Variants in GRM8 observed in about 807,000 individuals in gnomAD.
GRM8 encodes the protein glutamate metabotropic receptor 8.
GRM8 carries 47 observed loss-of-function variants against 87.2 expected under a neutral mutation model. That is an observed-to-expected ratio of 0.54 (90% confidence interval 0.43 to 0.69). GRM8 has a LOEUF of 0.69. Ranked by LOEUF, GRM8 falls within the 30% of genes least tolerant of loss-of-function variation. GRM8 has a pLI of 0.00. For synonymous variants in GRM8, 396 were observed against 404.5 expected (o/e 0.98, Z 0.25); for missense variants, 1,019 against 1,139.2 (o/e 0.89, Z 1.52).
At chr7:126,531,344 T>C (rs1238094786) in intron 9 of GRM8, among the ~76,000 whole-genome samples, 1 of 152,248 alleles carries the variant, frequency 6.6e-6, no homozygotes, top group Non-Finnish European at 1.5e-5. Context: ...ACATATTTTA[T>C]AATGTGTCTT....
intron 1 of GRM8, among the ~76,000 whole-genome samples, chr7:127,246,820 C>T (rs953842234): frequency 3.3e-5 from 5 of 152,212 alleles, no homozygotes; most frequent in African/African-American, 9.6e-5. Context: ...GTATCTAACA[C>T]AGTATCTCCA....
chr7:127,111,749 G>T (rs191417402), intron 2 of GRM8, among the ~76,000 whole-genome samples: 1 of 152,292 alleles, frequency 6.6e-6, no homozygotes, highest in East Asian at 1.9e-4. Flanking sequence ...CTTAAAGGCT[G>T]GGTGCGGTGT....
chr7:126,595,426 T>C (rs202223356), intron 8 of GRM8, among the ~76,000 whole-genome samples: 9 of 60,536 alleles, frequency 1.5e-4, no homozygotes, highest in African/African-American at 3.9e-4. Context: ...TTATTTTATT[T>C]TATTATTTTA....
chr7:126,464,236 T>G (rs1804234017), intron 9 of GRM8, among the ~76,000 whole-genome samples: 1 of 151,716 alleles, frequency 6.6e-6, no homozygotes, highest in African/African-American at 2.4e-5. Context: ...GTTTTTGTCT[T>G]GAAATCTATT....
At chr7:126,694,264 AATT>A (rs1238211571) in intron 7 of GRM8, among the ~76,000 whole-genome samples, 9 of 152,132 alleles carry the variant, frequency 5.9e-5, no homozygotes, top group Admixed American at 5.2e-4. Context: ...CTTGCTTTTT[AATT>A]ATTATTGTTA....
intron 7 of GRM8, among the ~76,000 whole-genome samples, chr7:126,752,021 C>T (rs1366498509): frequency 1.3e-5 from 2 of 151,752 alleles, no homozygotes; most frequent in Non-Finnish European, 2.9e-5. Context: ...AGAGTTAAAC[C>T]TCAAATCTAA....
chr7:127,173,837 G>A (rs1795900623), intron 2 of GRM8, among the ~76,000 whole-genome samples: 1 of 152,166 alleles, frequency 6.6e-6, no homozygotes. Flanking sequence ...AGATTTAGGA[G>A]AGGCATTCTT....
chr7:126,734,282 T>C (rs900411301), intron 7 of GRM8, among the ~76,000 whole-genome samples: 4 of 151,922 alleles, frequency 2.6e-5, no homozygotes, highest in African/African-American at 9.7e-5. Flanking sequence ...GGATAAATTT[T>C]AAAACATGTA....
chr7:126,731,357 A>T (rs1216757729), intron 7 of GRM8, among the ~76,000 whole-genome samples: 2 of 152,144 alleles, frequency 1.3e-5, no homozygotes, highest in African/African-American at 4.8e-5. Flanking sequence ...AACTTGAATC[A>T]TGCCAGAAAT....
chr7:126,943,152 T>A (rs1379985691), intron 3 of GRM8, among the ~76,000 whole-genome samples: 2 of 152,176 alleles, frequency 1.3e-5, no homozygotes, highest in Non-Finnish European at 2.9e-5. Flanking sequence ...CTGGACCCCA[T>A]GAAACTGGAG....
At chr7:127,126,619 T>A (rs1587088885) in intron 2 of GRM8, among the ~76,000 whole-genome samples, 1 of 152,124 alleles carries the variant, frequency 6.6e-6, no homozygotes, top group Non-Finnish European at 1.5e-5. Flanking sequence ...TCCTTAAATG[T>A]ATTTAAATAA....
chr7:126,452,169 C>T (rs1283704987), intron 9 of GRM8, among the ~76,000 whole-genome samples: 1 of 150,652 alleles, frequency 6.6e-6, no homozygotes, highest in Non-Finnish European at 1.5e-5. Flanking sequence ...TCATTCTCAG[C>T]AAACTATCAC....
At position 126,636,513 on chromosome 7, in the gene GRM8, T is replaced by C. The variant is rs1801869195; in HGVS notation, c.1358-27015A>G. Reference sequence around the variant, plus strand: ...ATGACAATAAAAAAGTCTGTACATGTTCAATACAAATGCAATTTTTTAAAA... The same window carrying C: ...ATGACAATAAAAAAGTCTGTACATGCTCAATACAAATGCAATTTTTTAAAA... On this transcript the variant is annotated intron_variant, in intron 7 of 10. Transcript: ENST00000339582. Among the ~76,000 whole-genome samples, 6 of 152,134 alleles carry C rather than the reference T, an allele frequency of 3.9e-5. No homozygotes were observed. In the South Asian group the frequency reaches 1.2e-3, roughly 31 times the overall value.
chr7:126,839,137 T>C (rs867616831), intron 6 of GRM8, among the ~76,000 whole-genome samples: 3 of 152,176 alleles, frequency 2.0e-5, no homozygotes, highest in African/African-American at 7.2e-5. Flanking sequence ...TACCAGGCAC[T>C]TTACATAAGG....
At chr7:126,603,559 T>C (rs962402736) in intron 8 of GRM8, among the ~76,000 whole-genome samples, 6 of 152,022 alleles carry the variant, frequency 3.9e-5, no homozygotes, top group Non-Finnish European at 2.9e-5. Context: ...AAAATCAATG[T>C]ACAAAAATCA....
chr7:126,503,131 G>A (rs1439918272), intron 9 of GRM8, among the ~76,000 whole-genome samples: 1 of 151,890 alleles, frequency 6.6e-6, no homozygotes, highest in Non-Finnish European at 1.5e-5. Flanking sequence ...AAATGATCTG[G>A]GATTGCTAGC....
intron 7 of GRM8, among the ~76,000 whole-genome samples, chr7:126,715,832 C>A (rs1361829287): frequency 6.6e-6 from 1 of 152,178 alleles, no homozygotes; most frequent in Non-Finnish European, 1.5e-5. Context: ...CCTATCTTTT[C>A]AAATACCCTT....
At chr7:126,646,365 A>T (rs1803093099) in intron 7 of GRM8, among the ~76,000 whole-genome samples, 1 of 151,998 alleles carries the variant, frequency 6.6e-6, no homozygotes. Flanking sequence ...ATCCTTCTTC[A>T]GCTACCACCG....
At chr7:126,800,956 T>C (rs1822606398) in intron 6 of GRM8, among the ~76,000 whole-genome samples, 1 of 151,992 alleles carries the variant, frequency 6.6e-6, no homozygotes. Flanking sequence ...TGAATAAACA[T>C]GTAATATTGT....
Sources: allele counts gnomAD v4.1 joint callset (sites outside exome capture counted in the v4.1 genomes callset), GRCh38; gene constraint gnomAD v4.1.1; transcripts MANE v1.5; gene names NCBI Gene and HGNC (gene_info 2026-07-23, HGNC 2026-07-21).